Variants in CPEB3 observed in about 807,000 individuals in gnomAD.
The protein encoded by CPEB3 is cytoplasmic polyadenylation element-binding protein 3.
In CPEB3, 20 loss-of-function variants were observed where a neutral mutation model predicts 67.2. The ratio of observed to expected loss-of-function variants is 0.30; its 90% CI spans 0.21 to 0.43. CPEB3 has a LOEUF of 0.43. Among genes scored for constraint, CPEB3 ranks in the 20% least tolerant of loss-of-function variants. The pLI is 1.00. For synonymous variants in CPEB3, 376 were observed against 393.1 expected (o/e 0.96, Z 0.51); for missense variants, 746 against 968.6 (o/e 0.77, Z 3.05).
At chr10:92,150,141 A>C (rs1846891061) in intron 4 of CPEB3, among the ~76,000 whole-genome samples, 1 of 152,206 alleles carries the variant, frequency 6.6e-6, no homozygotes, top group South Asian at 2.1e-4. Context: ...GCAGACCGAC[A>C]GGCGATATGA....
intron 4 of CPEB3, among the ~76,000 whole-genome samples, chr10:92,173,685 T>C (rs544436529): frequency 3.3e-5 from 5 of 152,304 alleles, no homozygotes; most frequent in African/African-American, 4.8e-5. Context: ...TGGCCAATTC[T>C]TACAGCCTTT....
intron 1 of CPEB3, among the ~76,000 whole-genome samples, chr10:92,287,440 C>T (rs1198890977): frequency 6.6e-6 from 1 of 152,010 alleles, no homozygotes; most frequent in Non-Finnish European, 1.5e-5. Context: ...TGTAAGACCA[C>T]AAAAAACAAA....
intron 2 of CPEB3, among the ~76,000 whole-genome samples, chr10:92,228,141 G>A (rs1397192494): frequency 6.6e-6 from 1 of 152,088 alleles, no homozygotes; most frequent in Non-Finnish European, 1.5e-5. Flanking sequence ...GCCCATCTTG[G>A]CCTCCCAAAG....
chr10:92,099,858 C>CA (rs781692543), intron 7 of CPEB3, among the ~76,000 whole-genome samples: 30 of 120,740 alleles, frequency 2.5e-4, no homozygotes, highest in Middle Eastern at 7.0e-3. Flanking sequence ...AACTCCGTCT[C>CA]AAAAAAAAAA....
At chr10:92,246,641 T>C (rs1271011086) in intron 1 of CPEB3, among the ~76,000 whole-genome samples, 1 of 151,686 alleles carries the variant, frequency 6.6e-6, no homozygotes, top group Non-Finnish European at 1.5e-5. Flanking sequence ...CCCAAGTAGC[T>C]GGGGTTTCAG....
At chr10:92,058,552 AATAC>A (rs58987766) in intron 9 of CPEB3, among the ~76,000 whole-genome samples, 10,277 of 138,572 alleles carry the variant, frequency 0.074, 1,252 homozygotes, top group African/African-American at 0.26. Context: ...CCATCTCAAA[AATAC>A]ATACATACAT....
At chr10:92,280,001 A>C (rs972045280) in intron 1 of CPEB3, among the ~76,000 whole-genome samples, 9 of 152,028 alleles carry the variant, frequency 5.9e-5, no homozygotes, top group African/African-American at 1.7e-4. Context: ...ACAGAGTGAG[A>C]CCTGGTCTCA....
At chr10:92,223,145 A>C (rs1043386898) in intron 2 of CPEB3, among the ~76,000 whole-genome samples, 1 of 152,190 alleles carries the variant, frequency 6.6e-6, no homozygotes, top group Non-Finnish European at 1.5e-5. Flanking sequence ...TCTAATTCTC[A>C]GGGTACAATT....
chr10:92,156,603 A>G (rs1847222121), intron 4 of CPEB3, among the ~76,000 whole-genome samples: 1 of 152,160 alleles, frequency 6.6e-6, no homozygotes, highest in Non-Finnish European at 1.5e-5. Flanking sequence ...AAAACAGTCC[A>G]TTTCCTTTTC....
chr10:92,162,840 G>C (rs188871159), intron 4 of CPEB3, among the ~76,000 whole-genome samples: 4 of 152,262 alleles, frequency 2.6e-5, no homozygotes, highest in Admixed American at 2.6e-4. Context: ...ATGCTCTGCT[G>C]TTTGTTTTTT....
intron 2 of CPEB3, among the ~76,000 whole-genome samples, chr10:92,201,096 G>C (rs1849502207): frequency 6.6e-6 from 1 of 152,074 alleles, no homozygotes; most frequent in Non-Finnish European, 1.5e-5. Flanking sequence ...CTGACTAAAA[G>C]AAAATATTGA....
chr10:92,238,572 T>C (rs1851650636), intron 2 of CPEB3, among the ~76,000 whole-genome samples: 1 of 150,988 alleles, frequency 6.6e-6, no homozygotes, highest in African/African-American at 2.4e-5. Context: ...AGCTAGCAAA[T>C]AGACTCCATT....
In CPEB3 at chr10:92,204,516, C is replaced by T. The variant is rs547800736; in HGVS notation, c.1006-11880G>A. Among the ~76,000 whole-genome samples the T allele has an allele frequency of 3.3e-4, 51 of 152,240 alleles. No homozygotes were observed. The South Asian group carries it at 6.0e-3, about 18-fold the overall frequency. ...CTTCATTGTCACTCCCTGGCCATCA[C>T]TGGAAAGGTCACCAATGTACATGTT... On this transcript the variant is annotated intron_variant, in intron 2 of 9. Transcript: ENST00000265997.
intron 3 of CPEB3, among the ~76,000 whole-genome samples, chr10:92,185,114 T>C (rs1408305286): frequency 2.0e-5 from 3 of 152,224 alleles, no homozygotes; most frequent in African/African-American, 4.8e-5. Context: ...GCTGTGAAAA[T>C]AGAATCAAGT....
chr10:92,064,521 C>A (rs1420925128), intron 9 of CPEB3, among the ~76,000 whole-genome samples: 1 of 152,160 alleles, frequency 6.6e-6, no homozygotes, highest in Non-Finnish European at 1.5e-5. Context: ...CCAAATGCTA[C>A]AAGGGGCCAT....
intron 1 of CPEB3, among the ~76,000 whole-genome samples, chr10:92,256,393 CTTT>C (rs1185030211): frequency 7.0e-6 from 1 of 141,948 alleles, no homozygotes; most frequent in Non-Finnish European, 1.5e-5. Context: ...AACCTTTTTT[CTTT>C]TTTTTTTTTT....
At chr10:92,208,511 G>C (rs1450556379) in intron 2 of CPEB3, among the ~76,000 whole-genome samples, 1 of 151,920 alleles carries the variant, frequency 6.6e-6, no homozygotes, top group Non-Finnish European at 1.5e-5. Context: ...GTCCTTTGAG[G>C]AATCTCTTCT....
intron 2 of CPEB3, among the ~76,000 whole-genome samples, chr10:92,233,375 A>G (rs1268947306): frequency 6.6e-6 from 1 of 152,090 alleles, no homozygotes; most frequent in African/African-American, 2.4e-5. Context: ...TGTCTCTACT[A>G]AAAATACAAA....
Position 92,271,848 on chromosome 10 carries a change from C to T in CPEB3, c.-12+19078G>A, listed in dbSNP as rs1853321201. On this transcript the variant is annotated intron_variant, in intron 1 of 9. Coordinates refer to ENST00000265997, the MANE Select transcript of CPEB3 (RefSeq NM_014912.5). ...TTTTAGCATCCATTAATGATTCTTA[C>T]CCGCATCATTTATTCTTGTGGTGTT... is the stretch of plus-strand genomic sequence containing the variant. 3.3e-5 allele frequency among the ~76,000 whole-genome samples: 5 copies of T among 152,090 alleles called. No homozygotes were observed. In the South Asian group the frequency reaches 1.0e-3, roughly 32 times the overall value.
Sources: gnomAD v4.1 joint callset for allele counts (sites outside exome capture counted in the v4.1 genomes callset) on GRCh38, gnomAD v4.1.1 for gene constraint, MANE v1.5 for transcripts, NCBI Gene and HGNC (gene_info 2026-07-23, HGNC 2026-07-21) for gene names.